BLTP3B: variants seen among roughly 807,000 people sequenced by gnomAD.
BLTP3B encodes UHRF1 (ICBP90) binding protein 1-like.
the BLTP3B span, chr12:100,102,802 T>C: frequency 6.2e-7 from 1 of 1,610,076 alleles, no homozygotes; most frequent in East Asian, 2.2e-5. Context: ...TGATGGGCCA[T>C]TAGGGCTTCT....
chr12:100,128,494 C>A, the BLTP3B span: 1 of 1,002,846 alleles, frequency 1.0e-6, no homozygotes, highest in Non-Finnish European at 1.2e-6. Context: ...AGAAAATATT[C>A]TCAAAGTATC....
the BLTP3B span, among the ~76,000 whole-genome samples, chr12:100,078,306 G>A: frequency 6.6e-6 from 1 of 152,232 alleles, no homozygotes; most frequent in Admixed American, 6.5e-5. Flanking sequence ...CTTCCACCAC[G>A]TGTAAAAGTT....
chr12:100,068,434 T>C, the BLTP3B span, among the ~76,000 whole-genome samples: 3 of 152,170 alleles, frequency 2.0e-5, no homozygotes, highest in Non-Finnish European at 1.5e-5. Flanking sequence ...ACACATTGGC[T>C]TACACGAGGA....
chr12:100,130,994 A>T, the BLTP3B span, among the ~76,000 whole-genome samples: 1 of 104,000 alleles, frequency 9.6e-6, no homozygotes, highest in African/African-American at 4.6e-5. Flanking sequence ...AGAGAGAGAG[A>T]GAGAGAGAGA....
the BLTP3B span, chr12:100,097,333 CA>C: frequency 1.6e-5 from 25 of 1,592,514 alleles, no homozygotes; most frequent in Middle Eastern, 3.5e-4. Flanking sequence ...ACAGTTAACA[CA>C]TGAATCAAAA....
At chr12:100,124,849 G>A in the BLTP3B span, among the ~76,000 whole-genome samples, 1 of 148,306 alleles carries the variant, frequency 6.7e-6, no homozygotes, top group South Asian at 2.1e-4. Context: ...TTGATCCCAG[G>A]AGTTAAAAGT....
chr12:100,110,896 G>A, the BLTP3B span, among the ~76,000 whole-genome samples: 3 of 152,192 alleles, frequency 2.0e-5, no homozygotes, highest in Non-Finnish European at 4.4e-5. Context: ...CAGAATATTT[G>A]ACTATATATT....
At chr12:100,047,121 C>CATATGTATATT in the BLTP3B span, among the ~76,000 whole-genome samples, 2 of 152,108 alleles carry the variant, frequency 1.3e-5, no homozygotes, top group African/African-American at 2.4e-5. Context: ...TATGTATATA[C>CATATGTATATT]ATATAAGAAA....
chr12:100,076,415 T>A, the BLTP3B span, among the ~76,000 whole-genome samples: 3 of 136,270 alleles, frequency 2.2e-5, no homozygotes, highest in African/African-American at 8.9e-5. Flanking sequence ...TTTTTTGAGA[T>A]AAGAGTCTCA....
the BLTP3B span, among the ~76,000 whole-genome samples, chr12:100,061,443 G>A: frequency 6.6e-6 from 1 of 152,062 alleles, no homozygotes; most frequent in African/African-American, 2.4e-5. Flanking sequence ...GGATCACGAG[G>A]TCAGGAGATC....
the BLTP3B span, among the ~76,000 whole-genome samples, chr12:100,089,486 G>T: frequency 6.6e-6 from 1 of 152,068 alleles, no homozygotes. Flanking sequence ...CTTGAACCCG[G>T]GAGACAGAGG....
At chr12:100,108,566 T>A in the BLTP3B span, 31 of 1,587,870 alleles carry the variant, frequency 2.0e-5, no homozygotes, top group African/African-American at 3.4e-4. Flanking sequence ...AGAATACACA[T>A]TGACATTTAT....
the BLTP3B span, among the ~76,000 whole-genome samples, chr12:100,106,214 T>C: frequency 6.6e-6 from 1 of 151,818 alleles, no homozygotes; most frequent in Non-Finnish European, 1.5e-5. Context: ...AGTGGGTACC[T>C]ATCCAAAGGA....
chr12:100,119,035 G>A, the BLTP3B span, among the ~76,000 whole-genome samples: 2 of 152,098 alleles, frequency 1.3e-5, no homozygotes, highest in South Asian at 2.1e-4. Flanking sequence ...TCAGGAGGCG[G>A]AGGTTGCAGT....
the BLTP3B span, chr12:100,039,901 G>A: frequency 3.3e-6 from 3 of 914,500 alleles, no homozygotes; most frequent in African/African-American, 1.7e-5. Flanking sequence ...TATTAGTTAT[G>A]AGGATAGTAG....
At chr12:100,119,350 A>G in the BLTP3B span, among the ~76,000 whole-genome samples, 1 of 152,300 alleles carries the variant, frequency 6.6e-6, no homozygotes, top group South Asian at 2.1e-4. Flanking sequence ...AATACTGTTA[A>G]AATGTCATCA....
the BLTP3B span, chr12:100,083,097 A>C: frequency 2.2e-5 from 36 of 1,613,714 alleles, no homozygotes; most frequent in South Asian, 1.6e-4. Flanking sequence ...ATAATACTGA[A>C]GGTGTTCTGC....
At chr12:100,076,943 G>C in the BLTP3B span, among the ~76,000 whole-genome samples, 3 of 152,048 alleles carry the variant, frequency 2.0e-5, no homozygotes, top group Non-Finnish European at 4.4e-5. Context: ...TTTGTGTTTG[G>C]TGTGGTTGCG....
the BLTP3B span, among the ~76,000 whole-genome samples, chr12:100,045,906 A>G: frequency 6.6e-6 from 1 of 152,228 alleles, no homozygotes; most frequent in Admixed American, 6.5e-5. Flanking sequence ...ACCCCATTAA[A>G]AAGTGGGCAA....
Sources: gnomAD v4.1 joint callset for allele counts (sites outside exome capture counted in the v4.1 genomes callset) on GRCh38, gnomAD v4.1.1 for gene constraint, MANE v1.5 for transcripts, NCBI Gene and HGNC (gene_info 2026-07-23, HGNC 2026-07-21) for gene names.